The following PSD3 variants were observed in gnomAD, a reference collection of about 807,000 sequenced individuals.
PSD3 encodes the protein pleckstrin and Sec7 domain containing 3.
Under a neutral mutation model 105.5 loss-of-function variants are expected in PSD3, and 49 were observed. That is an observed-to-expected ratio of 0.46 (90% confidence interval 0.37 to 0.59). The LOEUF is 0.59. Among genes scored for constraint, PSD3 ranks in the 20% least tolerant of loss-of-function variants. The pLI is 0.00. For missense variants in PSD3, 1,561 were observed against 1,263.8 expected, an observed-to-expected ratio of 1.24 and a Z score of -3.57; for synonymous variants, 557 against 457.8, an observed-to-expected ratio of 1.22 and a Z score of -2.77.
At chr8:18,600,196 C>G (rs1409254008) in intron 12 of PSD3, among the ~76,000 whole-genome samples, 168 bp downstream of exon 12, 2 of 152,300 alleles carry the variant, frequency 1.3e-5, no homozygotes, top group East Asian at 3.9e-4. Context: ...CAACTTAAAA[C>G]TTAAAATCGT....
At chr8:18,719,149 T>C (rs1563197077) in intron 9 of PSD3, among the ~76,000 whole-genome samples, 1 of 152,188 alleles carries the variant, frequency 6.6e-6, no homozygotes, top group Non-Finnish European at 1.5e-5. Context: ...AGCGCTCTGC[T>C]CTGTTTGGCC....
chr8:18,658,513 A>C (rs1417142087), intron 9 of PSD3, among the ~76,000 whole-genome samples: 5 of 147,110 alleles, frequency 3.4e-5, no homozygotes, highest in Admixed American at 6.9e-5. Flanking sequence ...ATTAATAGAT[A>C]CTATATAATT....
intron 11 of PSD3, among the ~76,000 whole-genome samples, chr8:18,600,745 G>A (rs1303371730): frequency 6.6e-6 from 1 of 152,170 alleles, no homozygotes; most frequent in African/African-American, 2.4e-5. Flanking sequence ...GAAAAACCAG[G>A]TAGCATGGCT....
chr8:18,914,508 C>G (rs1421478491), intron 2 of PSD3, among the ~76,000 whole-genome samples: 10 of 152,228 alleles, frequency 6.6e-5, no homozygotes, highest in Admixed American at 3.3e-4. Flanking sequence ...CTAATAAATT[C>G]AGTAAGGTTG....
chr8:18,867,025 T>C (rs1274704817), intron 4 of PSD3, among the ~76,000 whole-genome samples: 7 of 152,118 alleles, frequency 4.6e-5, no homozygotes, highest in Admixed American at 3.3e-4. Context: ...AATCCCCAAA[T>C]AACAGGCATG....
At chr8:18,978,066 T>C (rs1264384199) in intron 1 of PSD3, among the ~76,000 whole-genome samples, 1 of 152,156 alleles carries the variant, frequency 6.6e-6, no homozygotes, top group Non-Finnish European at 1.5e-5. Flanking sequence ...ACTGCCATTC[T>C]CCATTGGGCC....
intron 8 of PSD3, among the ~76,000 whole-genome samples, chr8:18,788,598 A>C (rs533646740): frequency 6.6e-6 from 1 of 152,316 alleles, no homozygotes; most frequent in East Asian, 1.9e-4. Flanking sequence ...AAAATTCTTC[A>C]TTTTTGATAG....
chr8:18,800,795 G>A (rs897531229), intron 7 of PSD3, among the ~76,000 whole-genome samples: 3 of 152,164 alleles, frequency 2.0e-5, no homozygotes, highest in African/African-American at 7.2e-5. Context: ...AGTGAGATTT[G>A]TTAATTTTTC....
intron 2 of PSD3, among the ~76,000 whole-genome samples, chr8:18,933,468 AT>A (rs1023512600): frequency 3.4e-4 from 51 of 152,118 alleles, no homozygotes; most frequent in African/African-American, 1.2e-3. Context: ...TATTTTTTAA[AT>A]TTTTTGTTTA....
At chr8:18,992,043 G>A (rs1389291896) in intron 1 of PSD3, among the ~76,000 whole-genome samples, 1 of 152,100 alleles carries the variant, frequency 6.6e-6, no homozygotes, top group Non-Finnish European at 1.5e-5. Context: ...ATCAAACCTA[G>A]GTCGGTCAAA....
chr8:18,594,245 T>TACATA, intron 12 of PSD3, among the ~76,000 whole-genome samples: 1 of 6,214 alleles, frequency 1.6e-4, no homozygotes, highest in Admixed American at 3.2e-3. Flanking sequence ...TATATTATTA[T>TACATA]ATATATTATA....
intron 9 of PSD3, among the ~76,000 whole-genome samples, chr8:18,659,915 C>T (rs1809214680): frequency 6.6e-6 from 1 of 152,130 alleles, no homozygotes; most frequent in South Asian, 2.1e-4. Context: ...TGGGGAGAAA[C>T]ATTGCTATGG....
At chr8:18,796,223 GT>G (rs1810164163) in intron 8 of PSD3, among the ~76,000 whole-genome samples, 1 of 152,092 alleles carries the variant, frequency 6.6e-6, no homozygotes, top group Admixed American at 6.5e-5. Context: ...AATTAGAGAA[GT>G]TTAACATGAT....
chr8:18,668,909 A>T (rs574855292), intron 9 of PSD3, among the ~76,000 whole-genome samples: 3 of 152,332 alleles, frequency 2.0e-5, no homozygotes, highest in African/African-American at 7.2e-5. Flanking sequence ...TCCTTTTGTT[A>T]TATCAGCTTA....
chr8:18,675,343 C>A (rs953390492), intron 9 of PSD3, among the ~76,000 whole-genome samples: 5 of 152,204 alleles, frequency 3.3e-5, no homozygotes, highest in African/African-American at 1.2e-4. Flanking sequence ...CACTAAACTG[C>A]AGCTGAGTGC....
chr8:19,077,062 T>C (rs894171214), intron 1 of PSD3, among the ~76,000 whole-genome samples: 5 of 152,204 alleles, frequency 3.3e-5, no homozygotes, highest in Non-Finnish European at 5.9e-5. Context: ...GCTGTTGTTA[T>C]AGGATATTGG....
chr8:18,691,112 C>T (rs546861371), intron 9 of PSD3, among the ~76,000 whole-genome samples: 1 of 152,264 alleles, frequency 6.6e-6, no homozygotes, highest in South Asian at 2.1e-4. Context: ...TCCATCTGTT[C>T]CTCAAACATA....
intron 1 of PSD3, among the ~76,000 whole-genome samples, chr8:18,949,012 G>C (rs1282381019): frequency 1.3e-5 from 2 of 151,156 alleles, no homozygotes; most frequent in South Asian, 2.1e-4. Context: ...GATTGCTCTT[G>C]ATTAAGATAA....
At chr8:19,084,171 T>C (rs896391696) in intron 1 of PSD3, 1 of 413,870 alleles carries the variant, frequency 2.4e-6, no homozygotes, top group African/African-American at 2.0e-5. Context: ...TGGCTCCCTT[T>C]CTTCTGCTGG....
Sources: gnomAD v4.1 joint callset for allele counts (sites outside exome capture counted in the v4.1 genomes callset) on GRCh38, gnomAD v4.1.1 for gene constraint, MANE v1.5 for transcripts, NCBI Gene and HGNC (gene_info 2026-07-23, HGNC 2026-07-21) for gene names.